Variants in ZNF324 observed in about 807,000 individuals in gnomAD.
The protein encoded by ZNF324 is zinc finger protein 324A.
In ZNF324, 3 loss-of-function variants were observed where a neutral mutation model predicts 10.3. The observed-to-expected ratio is 0.29, with a 90% CI of 0.13 to 0.75. The LOEUF (loss-of-function observed/expected upper bound fraction) is 0.75. Ranked by LOEUF, ZNF324 falls within the 30% of genes least tolerant of loss-of-function variation. The probability of loss-of-function intolerance (pLI) is 0.69; values close to 1 mark genes in which losing one functional copy is unlikely to be tolerated. For missense variants in ZNF324, 763 were observed against 784.4 expected, an observed-to-expected ratio of 0.97 and a Z score of 0.33; for synonymous variants, 430 against 339.5, an observed-to-expected ratio of 1.27 and a Z score of -2.93.
chr19:58,471,182 G>A lies in ZNF324; in HGVS notation c.690G>A (p.Glu230=). 3 of 1,613,438 alleles carry A rather than the reference G, an allele frequency of 1.9e-6. No homozygotes were observed. The South Asian group carries it at 3.3e-5, about 18-fold the overall frequency. The change falls in exon 4 of 4, where the codon GAG becomes GAA. Residue 230 remains glutamate (E), a synonymous_variant. Coordinates refer to ENST00000196482, the MANE Select transcript of ZNF324 (RefSeq NM_014347.3). The part of the protein sequence containing the change: ...GHHRMGAVWQ[E]PHRLLGGQEP... ...ACCGAATGGGTGCAGTTTGGCAGGA[G>A]CCTCATAGACTCCTCGGTGGCCAGG...
At chr19:58,470,706 G>T (rs1172497130) in intron 3 of ZNF324, 25 bp from the exon 4 acceptor site, 1 of 1,614,122 alleles carries the variant, frequency 6.2e-7, no homozygotes, top group East Asian at 2.2e-5. Context: ...GATGCCCCAG[G>T]CAACCACTGT....
At position 58,471,815 on chromosome 19, in the gene ZNF324, C is replaced by G; in HGVS notation, c.1323C>G (p.Thr441=). ...GRAFSHSSNL[T]QHQLLHTGER... ...CCTTTAGCCACAGCTCCAACCTCAC[C>G]CAGCACCAGCTCCTGCACACGGGCG... is the stretch of plus-strand genomic sequence containing the variant. Residue 441 remains threonine (T), a synonymous_variant, in exon 4 of 4, where the codon ACC becomes ACG. Transcript: ENST00000196482. 2 of 1,613,162 alleles carry G rather than the reference C, an allele frequency of 1.2e-6. No individual in the cohort carries two copies. The highest frequency in any genetic ancestry group is 1.7e-6 in the Non-Finnish European group (2 of 1,179,884).
In ZNF324 at chr19:58,471,130, T is replaced by G. The variant is rs1260656273; in HGVS notation, c.638T>G (p.Leu213Arg). ...PGRTFGSAQD[L>R]EAAGGRGHHR... is the part of the protein sequence containing the mutation. ...AGAACCTTTGGGAGCGCCCAGGACC[T>G]GGAGGCTGCCGGCGGTCGGGGACAT... The change falls in exon 4 of 4, where the codon CTG becomes CGG. Residue 213 changes from leucine (L) to arginine (R), a missense_variant. By Grantham distance (102) the Leu-to-Arg change is moderately radical. Around this residue, in one of 3 missense-constraint regions of ZNF324, gnomAD observed 379 missense variants for 319.4 expected, o/e 1.19. Transcript: ENST00000196482. 1 of 1,613,734 alleles carries G rather than the reference T, an allele frequency of 6.2e-7. No homozygotes were observed. The highest frequency in any genetic ancestry group is 1.3e-5 in the African/African-American group (1 of 74,940).
Position 58,471,668 on chromosome 19 carries a change from A to G in ZNF324, c.1176A>G (p.Thr392=), listed in dbSNP as rs762168727. ...TGATCCAGCACGAGCGTACGCACAC[A>G]GGCGAGAAGCCCTTCGTGTGCGCGC... ...SHLIQHERTH[T]GEKPFVCALC... Residue 392 remains threonine, a synonymous_variant, in exon 4 of 4, where the codon ACA becomes ACG. Transcript: ENST00000196482. 5.6e-6 allele frequency: 9 copies of G among 1,612,308 alleles called. No individual in the cohort carries two copies. In the East Asian group the frequency reaches 1.6e-4, roughly 28 times the overall value.
chr19:58,468,685 G>T (rs1408107327), intron 1 of ZNF324, among the ~76,000 whole-genome samples: 3 of 152,196 alleles, frequency 2.0e-5, no homozygotes, highest in Non-Finnish European at 1.5e-5. Context: ...TGCTCTTGGT[G>T]TGGCAGCTGA....
intron 1 of ZNF324, chr19:58,468,228 G>A (rs1281201498): frequency 1.0e-6 from 1 of 985,258 alleles, no homozygotes; most frequent in African/African-American, 1.7e-5. Flanking sequence ...GGCGTCCTGG[G>A]CTGTGGACAG....
At position 58,471,491 on chromosome 19, in the gene ZNF324, C is replaced by T; in HGVS notation, c.999C>T (p.Arg333=). 6.3e-7 allele frequency: 1 copy of T among 1,585,872 alleles called. No individual in the cohort carries two copies. Among genetic ancestry groups the T allele is most frequent in the South Asian group, 1.1e-5 (1 of 89,176 alleles). The change falls in exon 4 of 4, where the codon CGC becomes CGT. Residue 333 remains arginine (R), a synonymous_variant. Coordinates refer to ENST00000196482, the MANE Select transcript of ZNF324 (RefSeq NM_014347.3). The part of the protein sequence containing the change: ...RHSSSLVRHQ[R]IHTAEKSFRC... ...GCTCCTCGCTGGTGCGGCACCAGCG[C>T]ATCCACACGGCCGAGAAGTCCTTCC...
rs1482778318 is a variant in ZNF324, at chr19:58,472,390, C to G, written c.*236C>G. 2 of 554,856 alleles carry G rather than the reference C, an allele frequency of 3.6e-6. No homozygotes were observed. Among genetic ancestry groups the G allele is most frequent in the Non-Finnish European group, 6.4e-6 (2 of 314,348 alleles). The allele number at this position is 554,856 out of a possible 1,614,324, so 34.4% of individuals were successfully genotyped here. ...CAACATCAGGGGGAGGACGTGGTGG[C>G]TGAACTCTAGTGGGGCCGAGACTAT... On this transcript the variant is annotated 3_prime_UTR_variant, in exon 4 of 4. Coordinates refer to ENST00000196482, the MANE Select transcript of ZNF324 (RefSeq NM_014347.3).
At chr19:58,470,420 GA>G (rs981464529) in intron 3 of ZNF324, 2 of 491,194 alleles carry the variant, frequency 4.1e-6, no homozygotes, top group Non-Finnish European at 7.5e-6. Flanking sequence ...GCAATGGAAA[GA>G]GTGTGGGTGG....
chr19:58,471,179 G>A lies in ZNF324; in HGVS notation c.687G>A (p.Gln229=). 1 of 1,613,490 alleles carries A rather than the reference G, an allele frequency of 6.2e-7. No homozygotes were observed. Among genetic ancestry groups the A allele is most frequent in the Non-Finnish European group, 8.5e-7 (1 of 1,179,876 alleles). The change falls in exon 4 of 4, where the codon CAG becomes CAA. Residue 229 remains glutamine (Q), a synonymous_variant. Transcript: ENST00000196482. ...ATCACCGAATGGGTGCAGTTTGGCA[G>A]GAGCCTCATAGACTCCTCGGTGGCC... The part of the protein sequence containing the change: ...RGHHRMGAVW[Q]EPHRLLGGQE...
rs755406941 is a variant in ZNF324, at chr19:58,471,211, C to G, written c.719C>G (p.Pro240Arg). Residue 240 changes from proline (P) to arginine (R), a missense_variant, in exon 4 of 4, where the codon CCC becomes CGC. Physicochemically the swap from Pro to Arg is moderately radical, Grantham distance 103. Coordinates refer to ENST00000196482, the MANE Select transcript of ZNF324 (RefSeq NM_014347.3). ...EPHRLLGGQE[P>R]STWDELGEAL... The stretch of plus-strand genomic sequence containing the variant: ...CATAGACTCCTCGGTGGCCAGGAGC[C>G]CTCGACCTGGGACGAGCTGGGCGAG... 7 of 1,613,680 alleles carry G rather than the reference C, an allele frequency of 4.3e-6. No individual in the cohort carries two copies. The East Asian group carries it at 1.6e-4, about 36-fold the overall frequency.
In ZNF324 at chr19:58,471,893, G is replaced by T; in HGVS notation, c.1401G>T (p.Val467=). 1 of 1,611,172 alleles carries T rather than the reference G, an allele frequency of 6.2e-7. No homozygotes were observed. Among genetic ancestry groups the T allele is most frequent in the Non-Finnish European group, 8.5e-7 (1 of 1,179,406 alleles). ...DCGKAFAKGA[V]LLSHRRIHTG... ...GCAAGGCCTTCGCCAAGGGCGCCGT[G>T]CTGCTCAGCCACCGGCGCATTCACA... Residue 467 remains valine, a synonymous_variant, in exon 4 of 4, where the codon GTG becomes GTT. Transcript: ENST00000196482.
chr19:58,470,437 C>T (rs2053018499), intron 3 of ZNF324: 1 of 523,290 alleles, frequency 1.9e-6, no homozygotes, highest in Non-Finnish European at 3.5e-6. Context: ...GGTGGAATAG[C>T]CAGTGTGGAG....
Position 58,474,145 on chromosome 19 carries a change from A to G in ZNF324, c.*1991A>G, listed in dbSNP as rs1267110546. 2 of 152,290 alleles carry G rather than the reference A, an allele frequency of 1.3e-5. No individual in the cohort carries two copies. Among genetic ancestry groups the G allele is most frequent in the African/African-American group, 4.8e-5 (2 of 41,464 alleles). 9.4% of individuals were successfully genotyped at this position (152,290 alleles called of 1,614,324 possible). A position where few individuals can be genotyped will look rare whatever the true frequency, so the allele number is the denominator to read the frequency against. On this transcript the variant is annotated 3_prime_UTR_variant, in exon 4 of 4. Transcript: ENST00000196482. Reference sequence around the variant, plus strand: ...GTTCCTGCAGGGAGTGGAGACACACAGAACCTAGCTCCCCTGGAGCCTGCA... The same window carrying G: ...GTTCCTGCAGGGAGTGGAGACACACGGAACCTAGCTCCCCTGGAGCCTGCA...
intron 1 of ZNF324, among the ~76,000 whole-genome samples, chr19:58,468,408 G>T (rs905518965): frequency 1.3e-5 from 2 of 152,126 alleles, no homozygotes; most frequent in South Asian, 2.1e-4. Flanking sequence ...GACACCGGGT[G>T]AAAGGAGGAA....
At position 58,469,833 on chromosome 19, in the gene ZNF324, G is replaced by T; in HGVS notation, c.227G>T (p.Arg76Met). ...ACCCTGTCCAGGACCACCTACAGGA[G>T]GCGCAACCCTGGTGAGAGGGAGCTC... ...DTTLSRTTYRRRNPGSWSLTE... is the reference protein window; with the variant it reads ...DTTLSRTTYRMRNPGSWSLTE... The change falls in exon 3 of 4, where the codon AGG (arginine) becomes ATG (methionine). Residue 76 changes from arginine (R) to methionine (M), a missense_variant. By Grantham distance (91) the Arg-to-Met change is moderately conservative. Around this residue, in one of 3 missense-constraint regions of ZNF324, gnomAD observed 379 missense variants for 319.4 expected, o/e 1.19. Transcript: ENST00000196482. The T allele has an allele frequency of 6.3e-7, 1 of 1,599,560 alleles. No homozygotes were observed. Among genetic ancestry groups the T allele is most frequent in the Non-Finnish European group, 8.5e-7 (1 of 1,173,116 alleles).
At chr19:58,468,227 G>A in intron 1 of ZNF324, 4 of 985,392 alleles carry the variant, frequency 4.1e-6, no homozygotes, top group Non-Finnish European at 3.6e-6. Context: ...TGGCGTCCTG[G>A]GCTGTGGACA....
rs2053055431 is a variant in ZNF324, at chr19:58,473,409, T to A, written c.*1255T>A. On this transcript the variant is annotated 3_prime_UTR_variant, in exon 4 of 4. Transcript: ENST00000196482. ...CCTCCAAGGAAATTCATGTTCTCCT[T>A]AATGGAAAAAAAAAAAAAAAGACTA... The A allele has an allele frequency of 1.0e-4, 1 of 9,600 alleles. No individual in the cohort carries two copies. The highest frequency in any genetic ancestry group is 8.3e-4 in the African/African-American group (1 of 1,212). 0.6% of individuals were successfully genotyped at this position (9,600 alleles called of 1,614,324 possible). A position where few individuals can be genotyped will look rare whatever the true frequency, so the allele number is the denominator to read the frequency against.
chr19:58,472,425 G>C lies in ZNF324; in HGVS notation c.*271G>C. The C allele has an allele frequency of 2.0e-6, 1 of 496,290 alleles. No homozygotes were observed. The highest frequency in any genetic ancestry group is 3.6e-6 in the Non-Finnish European group (1 of 277,782). The allele number at this position is 496,290 out of a possible 1,614,324, so 30.7% of individuals were successfully genotyped here. ...GTGGGGCCGAGACTATTCAGAGCCA[G>C]TAGGAGGCCGACAGTCACAGCACTG... On this transcript the variant is annotated 3_prime_UTR_variant, in exon 4 of 4. Coordinates refer to ENST00000196482, the MANE Select transcript of ZNF324 (RefSeq NM_014347.3).
Sources: gnomAD v4.1 joint callset for allele counts (sites outside exome capture counted in the v4.1 genomes callset) on GRCh38, gnomAD v4.1.1 for gene constraint, gnomAD v4.1.1 regional missense constraint, MANE v1.5 for transcripts, NCBI Gene and HGNC (gene_info 2026-07-23, HGNC 2026-07-21) for gene names.